Variants in TAOK3 observed in about 807,000 individuals in gnomAD.
The protein encoded by TAOK3 is TAO kinase 3, also known as serine/threonine-protein kinase TAO3.
Under a neutral mutation model 120.4 loss-of-function variants are expected in TAOK3, and 40 were observed. The ratio of observed to expected loss-of-function variants is 0.33; its 90% CI spans 0.26 to 0.43. The LOEUF is 0.43. Ranked by LOEUF, TAOK3 falls within the 20% of genes least tolerant of loss-of-function variation. The pLI is 1.00. For synonymous variants in TAOK3, 355 were observed against 387.5 expected, an observed-to-expected ratio of 0.92 and a Z score of 0.99; for missense variants, 821 against 1,112.1, an observed-to-expected ratio of 0.74 and a Z score of 3.72.
chr12:118,323,003 C>T (rs1378145132), intron 1 of TAOK3, among the ~76,000 whole-genome samples: 2 of 152,044 alleles, frequency 1.3e-5, no homozygotes, highest in Non-Finnish European at 2.9e-5. Context: ...TGAGTCACCC[C>T]GCCCGGACTT....
chr12:118,359,850 T>C (rs1339385914), intron 1 of TAOK3: 1 of 152,196 alleles, frequency 6.6e-6, no homozygotes, highest in African/African-American at 2.4e-5. Flanking sequence ...CAGAACTACC[T>C]TGGGCTAATA....
intron 9 of TAOK3, among the ~76,000 whole-genome samples, chr12:118,217,811 G>GTGTGTGTGTATATATATA (rs1353848789): frequency 4.0e-5 from 3 of 75,402 alleles, no homozygotes; most frequent in South Asian, 4.9e-4. Flanking sequence ...GTGTGTGTGT[G>GTGTGTGTGTATATATATA]TATACATATA....
At chr12:118,210,792 G>A (rs2038587451) in intron 11 of TAOK3, among the ~76,000 whole-genome samples, 1 of 149,718 alleles carries the variant, frequency 6.7e-6, no homozygotes, top group South Asian at 2.1e-4. Flanking sequence ...CGGCTGGAGA[G>A]CAGTGGTGCT....
At chr12:118,246,407 G>A in intron 3 of TAOK3, 3 of 1,514,890 alleles carry the variant, frequency 2.0e-6, no homozygotes, top group East Asian at 4.7e-5. Flanking sequence ...AGGTTTTGAA[G>A]ATTATGCCAG....
At chr12:118,177,047 G>A (rs1168941813) in intron 16 of TAOK3, among the ~76,000 whole-genome samples, 154 bp downstream of exon 16, 1 of 152,162 alleles carries the variant, frequency 6.6e-6, no homozygotes, top group East Asian at 1.9e-4. Flanking sequence ...GATTACAGGT[G>A]TGAGTCACTG....
At chr12:118,256,191 A>T (rs556387139) in intron 2 of TAOK3, 7 of 152,344 alleles carry the variant, frequency 4.6e-5, no homozygotes, top group African/African-American at 1.4e-4. Flanking sequence ...ATTAGTTATT[A>T]GAGAAACGAA....
At chr12:118,201,526 A>C (rs1395374933) in intron 11 of TAOK3, 63 bp from the exon 12 acceptor site, 3 of 1,390,218 alleles carry the variant, frequency 2.2e-6, no homozygotes, top group Non-Finnish European at 1.9e-6. Context: ...TGCAAGGTAC[A>C]GATATAAAAG....
chr12:118,247,297 AC>A lies in TAOK3; in HGVS notation c.121-2333del, dbSNP rs536021723. ...TATAATAAGACTGTATTACATATAT[AC>A]ATGCCTACATTTATGTATGTATATA... On this transcript the variant is annotated intron_variant, in intron 3 of 20. Transcript: ENST00000392533. Among the ~76,000 whole-genome samples the A allele has an allele frequency of 7.7e-4, 117 of 152,270 alleles. 1 individual carries two copies. The highest frequency in any genetic ancestry group is 2.6e-3 in the African/African-American group (107 of 41,566).
rs1486941289 is a variant in TAOK3, at chr12:118,255,627, A to AT, written c.-61dup. On this transcript the variant is annotated 5_prime_UTR_variant, in exon 3 of 21. Coordinates refer to ENST00000392533, the MANE Select transcript of TAOK3 (RefSeq NM_016281.4). ...CAGTTAGCTTTATTTCTCATTGACA[A>AT]TTTTTTTTGGGGGGTAAATCTTCAG... The AT allele has an allele frequency of 3.6e-5, 54 of 1,520,782 alleles. No homozygotes were observed. The highest frequency in any genetic ancestry group is 6.6e-5 in the Admixed American group (3 of 45,644). The allele number at this position is 1,520,782 out of a possible 1,614,324, so 94.2% of individuals were successfully genotyped here.
At chr12:118,276,725 C>G (rs2041916627) in intron 1 of TAOK3, among the ~76,000 whole-genome samples, 1 of 150,366 alleles carries the variant, frequency 6.7e-6, no homozygotes, top group Non-Finnish European at 1.5e-5. Flanking sequence ...CTGTAATAGG[C>G]TGGGTGCAGT....
rs369259246 is a variant in TAOK3, at chr12:118,262,670, T to C, written c.-89+3985A>G. Among the ~76,000 whole-genome samples the C allele has an allele frequency of 1.6e-4, 24 of 150,900 alleles. 1 individual carries two copies. The East Asian group carries it at 2.6e-3, about 16-fold the overall frequency. ...GGTGAAACCCTGTCTCTACTAAAAA[T>C]ACAAAAATTAGCCAGGTGTGGTGTC... On this transcript the variant is annotated intron_variant, in intron 2 of 20. Transcript: ENST00000392533.
At chr12:118,329,802 A>T (rs2044070635) in intron 1 of TAOK3, among the ~76,000 whole-genome samples, 1 of 152,192 alleles carries the variant, frequency 6.6e-6, no homozygotes, top group Admixed American at 6.5e-5. Context: ...AACTTCTGAT[A>T]TAATAGTGGT....
chr12:118,299,698 C>T (rs185268582), intron 1 of TAOK3, among the ~76,000 whole-genome samples: 65 of 151,992 alleles, frequency 4.3e-4, no homozygotes, highest in African/African-American at 1.5e-3. Flanking sequence ...CTAGTAGAGA[C>T]GGGGTTTCAC....
chr12:118,187,148 T>C (rs1421418160), intron 14 of TAOK3, among the ~76,000 whole-genome samples: 1 of 152,332 alleles, frequency 6.6e-6, no homozygotes, highest in East Asian at 1.9e-4. Flanking sequence ...CTAAATTCCT[T>C]TTCCCTGTTC....
Position 118,161,863 on chromosome 12 carries a change from C to T in TAOK3, c.2064G>A (p.Glu688=), listed in dbSNP as rs758109986. 1.2e-6 allele frequency: 2 copies of T among 1,614,130 alleles called. No homozygotes were observed. Among genetic ancestry groups the T allele is most frequent in the Admixed American group, 1.7e-5 (1 of 60,014 alleles). Residue 688 remains glutamate (E), a synonymous_variant, in exon 18 of 21, where the codon GAG becomes GAA. Transcript: ENST00000392533. This position sits in a 1 kb window ranked among gnomAD's most constrained non-coding sequence, Gnocchi z 4.5. ...GTTCTCTTTCTCGCCTCTTATTGTA[C>T]TCCAGCTGGTTTTCCAGTTCCGTCT... ...QHQTELENQL[E]YNKRRERELH...
intron 1 of TAOK3, among the ~76,000 whole-genome samples, chr12:118,334,189 A>G (rs2044269489): frequency 6.6e-6 from 1 of 151,974 alleles, no homozygotes; most frequent in African/African-American, 2.4e-5. Context: ...AAGGGATACT[A>G]GCATTGCCAA....
At chr12:118,198,960 G>C in intron 13 of TAOK3, 91 bp downstream of exon 13, 1 of 1,440,492 alleles carries the variant, frequency 6.9e-7, no homozygotes, top group Non-Finnish European at 9.7e-7. Context: ...GTTGCAAAAA[G>C]GTAACTGAAA....
Position 118,160,071 on chromosome 12 carries a change from G to T in TAOK3, c.2352+75C>A. The stretch of plus-strand genomic sequence containing the variant: ...TAAATTTGTGCAAGAATCATCTTGG[G>T]AACAACAGGCTGGATCTTGGATTTT... On this transcript the variant is annotated intron_variant, in intron 19 of 20. Coordinates refer to ENST00000392533, the MANE Select transcript of TAOK3 (RefSeq NM_016281.4). This position sits in a 1 kb window ranked among gnomAD's most constrained non-coding sequence, Gnocchi z 4.2. 8.2e-7 allele frequency: 1 copy of T among 1,224,438 alleles called. No individual in the cohort carries two copies. Among genetic ancestry groups the T allele is most frequent in the Non-Finnish European group, 1.2e-6 (1 of 832,302 alleles). The allele number at this position is 1,224,438 out of a possible 1,614,324, so 75.8% of individuals were successfully genotyped here.
At chr12:118,171,188 A>G (rs1184961625) in intron 17 of TAOK3, among the ~76,000 whole-genome samples, 2 of 152,210 alleles carry the variant, frequency 1.3e-5, no homozygotes, top group African/African-American at 4.8e-5. Flanking sequence ...TCTATTTGGT[A>G]AGGATTAACT....
Sources: gnomAD v4.1 joint callset for allele counts (sites outside exome capture counted in the v4.1 genomes callset) on GRCh38, gnomAD v4.1.1 for gene constraint, Gnocchi (gnomAD v3.1) non-coding constraint, MANE v1.5 for transcripts, NCBI Gene and HGNC (gene_info 2026-07-23, HGNC 2026-07-21) for gene names.